Variants in STPG2 observed in about 807,000 individuals in gnomAD.
The protein encoded by STPG2 is sperm tail PG-rich repeat containing 2.
In STPG2, 56 loss-of-function variants were observed where a neutral mutation model predicts 54.2. The ratio of observed to expected loss-of-function variants is 1.03; its 90% CI spans 0.83 to 1.29. STPG2 has a LOEUF of 1.29. Ranked by LOEUF, STPG2 falls within the 50% of genes most tolerant of loss-of-function variation. The probability of loss-of-function intolerance (pLI) is 0.00; values close to 1 mark genes in which losing one functional copy is unlikely to be tolerated. For missense variants in STPG2, 596 were observed against 544.9 expected (o/e 1.09, Z -0.93); for synonymous variants, 200 against 181.8 (o/e 1.10, Z -0.81).
intron 4 of STPG2, among the ~76,000 whole-genome samples, chr4:97,463,863 G>A (rs1470697551): frequency 3.9e-5 from 6 of 152,148 alleles, no homozygotes; most frequent in Admixed American, 6.5e-5. Context: ...AGCATTCATC[G>A]AATGTTCTTT....
chr4:97,999,428 C>A (rs903935474), intron 5 of STPG2, among the ~76,000 whole-genome samples: 3 of 149,640 alleles, frequency 2.0e-5, no homozygotes, highest in Non-Finnish European at 4.5e-5. Context: ...CAAGGCCAGG[C>A]GCAGTGGCTC....
chr4:97,635,134 C>A (rs1022308348), intron 10 of STPG2, among the ~76,000 whole-genome samples: 1 of 151,942 alleles, frequency 6.6e-6, no homozygotes, highest in Non-Finnish European at 1.5e-5. Context: ...AGACTAACAG[C>A]GGATCTCTCA....
At chr4:97,443,196 A>G (rs1454339922) in intron 4 of STPG2, among the ~76,000 whole-genome samples, 3 of 152,182 alleles carry the variant, frequency 2.0e-5, no homozygotes, top group African/African-American at 7.2e-5. Context: ...CCCTCGAGGA[A>G]TCTTTTAGTT....
intron 9 of STPG2, among the ~76,000 whole-genome samples, chr4:97,758,174 C>T (rs1052404701): frequency 4.6e-5 from 7 of 151,792 alleles, no homozygotes; most frequent in African/African-American, 1.7e-4. Flanking sequence ...CCTTAAGGGG[C>T]CATTTATGTA....
chr4:97,543,284 A>G (rs1731762226), intron 4 of STPG2, among the ~76,000 whole-genome samples: 1 of 151,730 alleles, frequency 6.6e-6, no homozygotes, highest in Non-Finnish European at 1.5e-5. Context: ...GGAAAAAATA[A>G]ATTTTTCTGA....
At chr4:97,752,366 G>C (rs1725603675) in intron 9 of STPG2, among the ~76,000 whole-genome samples, 1 of 151,796 alleles carries the variant, frequency 6.6e-6, no homozygotes, top group Non-Finnish European at 1.5e-5. Flanking sequence ...GAAGCTTAAA[G>C]AGGTTAAGTG....
intron 5 of STPG2, among the ~76,000 whole-genome samples, chr4:98,101,839 T>C (rs1170116652): frequency 6.6e-6 from 1 of 151,928 alleles, no homozygotes; most frequent in Admixed American, 6.6e-5. Context: ...TTACAAGCCA[T>C]GAATCCCCTT....
intron 9 of STPG2, among the ~76,000 whole-genome samples, chr4:97,829,901 G>A (rs1728395461): frequency 1.3e-5 from 2 of 152,142 alleles, no homozygotes; most frequent in Non-Finnish European, 2.9e-5. Context: ...CGTTTGTTAG[G>A]TGTACCTGAA....
chr4:97,454,891 T>C (rs1232744352), intron 4 of STPG2, among the ~76,000 whole-genome samples: 10 of 152,018 alleles, frequency 6.6e-5, no homozygotes, highest in Non-Finnish European at 5.9e-5. Flanking sequence ...ATAGAAAAAA[T>C]AGAATGCTGC....
At chr4:97,726,790 TAC>T (rs1323091120) in intron 9 of STPG2, among the ~76,000 whole-genome samples, 5 of 150,628 alleles carry the variant, frequency 3.3e-5, no homozygotes, top group African/African-American at 1.2e-4. Flanking sequence ...GCATATATCA[TAC>T]ACACACACAT....
intron 5 of STPG2, among the ~76,000 whole-genome samples, chr4:98,055,941 A>G (rs1737467123): frequency 6.6e-6 from 1 of 152,126 alleles, no homozygotes; most frequent in African/African-American, 2.4e-5. Flanking sequence ...GGATAGCTCC[A>G]GAGAGGCAGC....
chr4:97,793,407 A>AG (rs56733787), intron 9 of STPG2, among the ~76,000 whole-genome samples: 1 of 151,142 alleles, frequency 6.6e-6, no homozygotes. Context: ...ACACACAGAG[A>AG]AATAGCATAC....
chr4:97,914,045 GC>G (rs1721712137), intron 8 of STPG2, among the ~76,000 whole-genome samples: 1 of 151,942 alleles, frequency 6.6e-6, no homozygotes, highest in South Asian at 2.1e-4. Flanking sequence ...ATACGTAACA[GC>G]TATGAAACAT....
intron 5 of STPG2, chr4:98,025,904 C>T (rs568126336): frequency 1.9e-6 from 3 of 1,542,504 alleles, no homozygotes; most frequent in African/African-American, 2.7e-5. Flanking sequence ...CTTGTCTATC[C>T]CTCACAGTAC....
chr4:97,503,323 G>A (rs892115732), intron 4 of STPG2, among the ~76,000 whole-genome samples: 5 of 152,016 alleles, frequency 3.3e-5, no homozygotes, highest in Non-Finnish European at 4.4e-5. Context: ...ATATTTAATA[G>A]TAAGTTAAAT....
chr4:97,972,107 A>T (rs985679201), intron 7 of STPG2, among the ~76,000 whole-genome samples, 173 bp downstream of exon 7: 2 of 152,056 alleles, frequency 1.3e-5, no homozygotes, highest in African/African-American at 4.8e-5. Context: ...TATTTCTGCC[A>T]TTTCTCTATT....
chr4:98,068,433 G>A (rs1737897390), intron 5 of STPG2, among the ~76,000 whole-genome samples: 1 of 152,060 alleles, frequency 6.6e-6, no homozygotes, highest in Non-Finnish European at 1.5e-5. Context: ...GGTTAACAGA[G>A]TACCTAGGAT....
At chr4:97,913,097 T>G (rs1427777940) in intron 8 of STPG2, among the ~76,000 whole-genome samples, 1 of 152,222 alleles carries the variant, frequency 6.6e-6, no homozygotes, top group Admixed American at 6.5e-5. Context: ...TCAGCTTTAT[T>G]CTGAAAATAG....
rs546685325 is a variant in STPG2 at position 97,818,449 on chromosome 4, G to T, written c.1204+22324C>A. Among the ~76,000 whole-genome samples the T allele has an allele frequency of 1.4e-3, 208 of 150,496 alleles. 1 individual carries two copies. The highest frequency in any genetic ancestry group is 4.9e-3 in the African/African-American group (201 of 41,050). On this transcript the variant is annotated intron_variant, in intron 9 of 10. Coordinates refer to ENST00000295268, the MANE Select transcript of STPG2 (RefSeq NM_174952.3). ...TTGTTATAAAAGTTGTGTGAATATGGTCTCTCTCTCTCTCTCAAAATATTT... is the reference window on the plus strand; with the variant it reads ...TTGTTATAAAAGTTGTGTGAATATGTTCTCTCTCTCTCTCTCAAAATATTT...
Sources: gnomAD v4.1 joint callset for allele counts (sites outside exome capture counted in the v4.1 genomes callset) on GRCh38, gnomAD v4.1.1 for gene constraint, MANE v1.5 for transcripts, NCBI Gene and HGNC (gene_info 2026-07-23, HGNC 2026-07-21) for gene names.